The following RRAS2 variants were observed in gnomAD, a reference collection of about 807,000 sequenced individuals.
The protein encoded by RRAS2 is ras-related protein R-Ras2.
In RRAS2, 7 loss-of-function variants were observed where a neutral mutation model predicts 27.6. The observed-to-expected ratio is 0.25, with a 90% CI of 0.14 to 0.48. The LOEUF is 0.48. Ranked by LOEUF, RRAS2 falls within the 20% of genes least tolerant of loss-of-function variation. The pLI is 0.99. For synonymous variants in RRAS2, 86 were observed against 90.9 expected (o/e 0.95, Z 0.31); for missense variants, 178 against 256.2 (o/e 0.69, Z 2.08).
chr11:14,323,444 C>T (rs1172461502), intron 1 of RRAS2, among the ~76,000 whole-genome samples: 3 of 149,794 alleles, frequency 2.0e-5, no homozygotes, highest in Non-Finnish European at 3.0e-5. Flanking sequence ...GGTGACAGAG[C>T]GAGACCCTGT....
Position 14,358,273 on chromosome 11 carries a change from C to T in RRAS2, c.108+490G>A. The T allele has an allele frequency of 4.1e-6, 4 of 985,528 alleles. No homozygotes were observed. Among genetic ancestry groups the T allele is most frequent in the Non-Finnish European group, 3.6e-6 (3 of 829,988 alleles). 61.0% of individuals were successfully genotyped at this position (985,528 alleles called of 1,614,324 possible). On this transcript the variant is annotated intron_variant, in intron 1 of 5. Coordinates refer to ENST00000256196, the MANE Select transcript of RRAS2 (RefSeq NM_012250.6). The surrounding 1 kb of genome is among the most constrained non-coding windows in gnomAD (Gnocchi z 5.1). Reference sequence around the variant, plus strand: ...ACACAGTACTTGAAGCGGGCAGCTCCGGCTCAGGCGGCGCGGGGAAGCCCG... The same window carrying T: ...ACACAGTACTTGAAGCGGGCAGCTCTGGCTCAGGCGGCGCGGGGAAGCCCG...
At chr11:14,336,222 C>T (rs1848586903) in intron 1 of RRAS2, among the ~76,000 whole-genome samples, 6 of 152,214 alleles carry the variant, frequency 3.9e-5, no homozygotes, top group Middle Eastern at 3.4e-3. Context: ...CCTGCCTCAC[C>T]TCACAGTAAC....
chr11:14,284,713 G>A (rs569488926), intron 4 of RRAS2, among the ~76,000 whole-genome samples: 2 of 152,212 alleles, frequency 1.3e-5, no homozygotes, highest in East Asian at 3.9e-4. Context: ...TCCTCTTGAG[G>A]AATTAATCTC....
intron 1 of RRAS2, among the ~76,000 whole-genome samples, chr11:14,298,160 G>A (rs1277335331): frequency 1.3e-5 from 2 of 152,140 alleles, no homozygotes; most frequent in Non-Finnish European, 2.9e-5. Context: ...AGCATGCGCT[G>A]TACTTTTTAA....
chr11:14,360,304 G>A (rs1849174019), upstream of RRAS2, among the ~76,000 whole-genome samples: 2 of 152,012 alleles, frequency 1.3e-5, no homozygotes, highest in Admixed American at 1.3e-4. Flanking sequence ...GCCTTCCAAT[G>A]ACGGCATCCC....
chr11:14,346,535 C>A (rs1848834160), intron 1 of RRAS2, among the ~76,000 whole-genome samples: 1 of 152,042 alleles, frequency 6.6e-6, no homozygotes. Context: ...AATGTTGGGA[C>A]CCAATAATTT....
chr11:14,340,567 G>A (rs1032641737), intron 1 of RRAS2, among the ~76,000 whole-genome samples: 2 of 152,108 alleles, frequency 1.3e-5, no homozygotes, highest in African/African-American at 2.4e-5. Context: ...GGCTCTGCTA[G>A]AAGACACCGA....
intron 1 of RRAS2, among the ~76,000 whole-genome samples, chr11:14,355,501 CA>C (rs1421224975): frequency 6.6e-6 from 1 of 152,288 alleles, no homozygotes; most frequent in East Asian, 1.9e-4. Context: ...TACATTTTAT[CA>C]TGGCTACTTT....
intron 4 of RRAS2, among the ~76,000 whole-genome samples, chr11:14,288,066 A>C (rs1849711534): frequency 6.6e-6 from 1 of 152,150 alleles, no homozygotes; most frequent in Non-Finnish European, 1.5e-5. Flanking sequence ...CTGAAGACTC[A>C]ACCTCCCAGT....
At chr11:14,352,922 AGTAGTAG>A (rs1848994592) in intron 1 of RRAS2, among the ~76,000 whole-genome samples, 1 of 151,556 alleles carries the variant, frequency 6.6e-6, no homozygotes, top group Non-Finnish European at 1.5e-5. Context: ...TCAGCTCCTG[AGTAGTAG>A]CTGGGATTGC....
chr11:14,330,438 G>C (rs1554951742), intron 1 of RRAS2, among the ~76,000 whole-genome samples: 1 of 152,114 alleles, frequency 6.6e-6, no homozygotes, highest in African/African-American at 2.4e-5. Context: ...CTTCAACCTG[G>C]GAGGTCGAGG....
rs1253534573 is a variant in RRAS2, at chr11:14,339,302, G to C, written c.108+19461C>G. ...CAAAAAAAAAAAAAAAAGGGGGGGGGGGGAAGAAAAAATCTATAATAAAAA... is the reference window on the plus strand; with the variant it reads ...CAAAAAAAAAAAAAAAAGGGGGGGGCGGGAAGAAAAAATCTATAATAAAAA... On this transcript the variant is annotated intron_variant, in intron 1 of 5. Transcript: ENST00000256196. Among the ~76,000 whole-genome samples the C allele has an allele frequency of 7.9e-3, 999 of 126,524 alleles. 23 individuals carry two copies. Among genetic ancestry groups the C allele is most frequent in the African/African-American group, 0.028 (971 of 34,970 alleles). 83.0% of individuals were successfully genotyped at this position (126,524 alleles called of 152,430 possible). A position where few individuals can be genotyped will look rare whatever the true frequency, so the allele number is the denominator to read the frequency against.
At chr11:14,345,039 G>A (rs1554953904) in intron 1 of RRAS2, among the ~76,000 whole-genome samples, 1 of 145,240 alleles carries the variant, frequency 6.9e-6, no homozygotes, top group African/African-American at 2.6e-5. Flanking sequence ...CCAGACTGGA[G>A]TGCAGTGGTG....
Position 14,295,850 on chromosome 11 carries a change from A to G in RRAS2, c.114T>C (p.Tyr38=), listed in dbSNP as rs781975658. 1.9e-6 allele frequency: 3 copies of G among 1,612,694 alleles called. No individual in the cohort carries two copies. The South Asian group carries it at 3.3e-5, about 18-fold the overall frequency. The change falls in exon 2 of 6, where the codon TAT becomes TAC. Residue 38 remains tyrosine (Y), a synonymous_variant. Coordinates refer to ENST00000256196, the MANE Select transcript of RRAS2 (RefSeq NM_012250.6). ...TGGTTGGATCATAATCCGTTACAAA[A>G]TAGGACTGCAAGAAAAGAAAAAACT... The part of the protein sequence containing the change: ...SALTIQFIQS[Y]FVTDYDPTIE...
intron 1 of RRAS2, among the ~76,000 whole-genome samples, chr11:14,321,269 C>T (rs984621565): frequency 5.3e-5 from 8 of 152,140 alleles, no homozygotes; most frequent in African/African-American, 1.9e-4. Context: ...CTTCCCCTAA[C>T]ATGACTAGTC....
At chr11:14,323,878 T>C (rs988558098) in intron 1 of RRAS2, among the ~76,000 whole-genome samples, 1 of 151,746 alleles carries the variant, frequency 6.6e-6, no homozygotes, top group African/African-American at 2.4e-5. Flanking sequence ...ACAGAATATA[T>C]AGACTTTTTT....
chr11:14,343,515 T>C (rs899010321), intron 1 of RRAS2, among the ~76,000 whole-genome samples: 2 of 152,210 alleles, frequency 1.3e-5, no homozygotes, highest in African/African-American at 4.8e-5. Flanking sequence ...ATTAAGTCAC[T>C]TGATAATTTT....
chr11:14,323,457 C>CAA (rs144401903), intron 1 of RRAS2, among the ~76,000 whole-genome samples: 6 of 144,216 alleles, frequency 4.2e-5, no homozygotes, highest in Non-Finnish European at 4.6e-5. Flanking sequence ...GACCCTGTCT[C>CAA]AAAAAAAAAA....
intron 1 of RRAS2, among the ~76,000 whole-genome samples, chr11:14,348,608 G>T (rs1848885884): frequency 6.6e-6 from 1 of 152,138 alleles, no homozygotes; most frequent in African/African-American, 2.4e-5. Context: ...TTATTTCAAT[G>T]ATTAAATTGC....
Sources: gnomAD v4.1 joint callset for allele counts (sites outside exome capture counted in the v4.1 genomes callset) on GRCh38, gnomAD v4.1.1 for gene constraint, Gnocchi (gnomAD v3.1) non-coding constraint, MANE v1.5 for transcripts, NCBI Gene and HGNC (gene_info 2026-07-23, HGNC 2026-07-21) for gene names.